The following OXR1 variants were observed in gnomAD, a reference collection of about 807,000 sequenced individuals.
The protein encoded by OXR1 is oxidation resistance protein 1.
In OXR1, 41 loss-of-function variants were observed where a neutral mutation model predicts 104.6. The observed-to-expected ratio is 0.39, with a 90% CI of 0.31 to 0.51. The LOEUF is 0.51. Ranked by LOEUF, OXR1 falls within the 20% of genes least tolerant of loss-of-function variation. The pLI, the probability that OXR1 is intolerant of heterozygous loss-of-function variation, is 0.77. For synonymous variants in OXR1, 348 were observed against 348.4 expected (o/e 1.00, Z 0.01); for missense variants, 955 against 1,031.9 (o/e 0.93, Z 1.02).
chr8:106,728,196 GGCTCT>G (rs1163798120), intron 11 of OXR1, among the ~76,000 whole-genome samples: 2 of 146,128 alleles, frequency 1.4e-5, no homozygotes, highest in African/African-American at 5.1e-5. Context: ...CCTGACAAGG[GGCTCT>G]TATGCTTCTA....
chr8:106,440,832 ATGTTAACC>A (rs1194664459), intron 2 of OXR1, among the ~76,000 whole-genome samples: 2 of 152,138 alleles, frequency 1.3e-5, no homozygotes, highest in Non-Finnish European at 2.9e-5. Context: ...CCAGTATAGC[ATGTTAACC>A]TAGATGATAG....
At chr8:106,729,179 ATTACT>A (rs1833629718) in intron 11 of OXR1, among the ~76,000 whole-genome samples, 1 of 152,128 alleles carries the variant, frequency 6.6e-6, no homozygotes, top group African/African-American at 2.4e-5. Flanking sequence ...CCTGTGGAAT[ATTACT>A]TTATCATCTC....
chr8:106,491,150 A>C (rs1430035689), intron 2 of OXR1, among the ~76,000 whole-genome samples: 1 of 152,154 alleles, frequency 6.6e-6, no homozygotes, highest in Non-Finnish European at 1.5e-5. Context: ...ATAGTCACAG[A>C]CTTTCTCTTG....
intron 9 of OXR1, among the ~76,000 whole-genome samples, chr8:106,708,377 C>T (rs1370877422): frequency 6.6e-6 from 1 of 152,074 alleles, no homozygotes; most frequent in Non-Finnish European, 1.5e-5. Flanking sequence ...CCAGCCTGAG[C>T]AACAGAGCAA....
At chr8:106,605,921 C>CAACAAAATGTGGATGATAAT (rs1563638061) in intron 3 of OXR1, among the ~76,000 whole-genome samples, 7 of 148,162 alleles carry the variant, frequency 4.7e-5, no homozygotes, top group African/African-American at 1.5e-4. Context: ...TTTTTATTTT[C>CAACAAAATGTGGATGATAAT]AATAAAATGT....
intron 2 of OXR1, among the ~76,000 whole-genome samples, chr8:106,478,897 A>T (rs1053637045): frequency 1.3e-5 from 2 of 151,906 alleles, no homozygotes; most frequent in African/African-American, 4.8e-5. Flanking sequence ...TTGTGTGTGT[A>T]TACTTTGTTA....
chr8:106,378,575 T>C (rs1203577140), intron 2 of OXR1, among the ~76,000 whole-genome samples: 4 of 152,212 alleles, frequency 2.6e-5, no homozygotes, highest in Admixed American at 6.5e-5. Context: ...GATGGCACGA[T>C]CTCGGCTCAC....
intron 3 of OXR1, among the ~76,000 whole-genome samples, chr8:106,582,921 A>G (rs577479700): frequency 6.6e-6 from 1 of 152,310 alleles, no homozygotes; most frequent in East Asian, 1.9e-4. Context: ...CCCTCCCCAC[A>G]GTGTTCAGCC....
At chr8:106,552,548 A>G (rs1247240527) in intron 3 of OXR1, among the ~76,000 whole-genome samples, 1 of 152,084 alleles carries the variant, frequency 6.6e-6, no homozygotes, top group Non-Finnish European at 1.5e-5. Context: ...GAGACATTAA[A>G]CCTTAAGGCC....
chr8:106,584,610 T>C (rs1818493610), intron 3 of OXR1, among the ~76,000 whole-genome samples: 1 of 152,156 alleles, frequency 6.6e-6, no homozygotes, highest in Non-Finnish European at 1.5e-5. Flanking sequence ...ATTTGAATGG[T>C]AAATGGTAAA....
At chr8:106,725,950 CTT>C (rs917600855) in intron 11 of OXR1, 5 of 306,330 alleles carry the variant, frequency 1.6e-5, no homozygotes, top group African/African-American at 1.1e-4. Flanking sequence ...GGCTCTGTGT[CTT>C]TAAACTTTTG....
At chr8:106,527,304 C>T (rs548174223) in intron 3 of OXR1, among the ~76,000 whole-genome samples, 6 of 152,296 alleles carry the variant, frequency 3.9e-5, no homozygotes, top group Admixed American at 6.5e-5. Context: ...TACCTGCTCT[C>T]ATGGAGCTTA....
intron 2 of OXR1, among the ~76,000 whole-genome samples, chr8:106,408,703 G>A (rs10429291): frequency 0.024 from 3,713 of 152,244 alleles, 148 homozygotes; most frequent in African/African-American, 0.083. Flanking sequence ...GCACGTGGGT[G>A]TAATCGTGAC....
At chr8:106,658,520 G>A (rs1825406954) in intron 3 of OXR1, among the ~76,000 whole-genome samples, 1 of 152,214 alleles carries the variant, frequency 6.6e-6, no homozygotes, top group Non-Finnish European at 1.5e-5. Flanking sequence ...GACTGAACCA[G>A]TTATGACGTC....
At chr8:106,738,351 G>A (rs2131561130) in intron 12 of OXR1, among the ~76,000 whole-genome samples, 1 of 151,942 alleles carries the variant, frequency 6.6e-6, no homozygotes, top group East Asian at 1.9e-4. Flanking sequence ...CAAAATAAGG[G>A]TGAAACATGA....
Position 106,692,904 on chromosome 8 carries a change from C to T in OXR1, c.675+27C>T, listed in dbSNP as rs766894607. ...TAAAGAATGACACTTTAGAGAAGAC[C>T]TTTAATCATGCTTTAGTTATTACTA... On this transcript the variant is annotated intron_variant, in intron 7 of 16. Transcript: ENST00000517566. 9.3e-6 allele frequency: 14 copies of T among 1,510,248 alleles called. 1 individual carries two copies. The South Asian group carries it at 1.6e-4, about 17-fold the overall frequency. The allele number at this position is 1,510,248 out of a possible 1,614,324, so 93.6% of individuals were successfully genotyped here.
At chr8:106,360,151 T>C (rs1423774367) in intron 2 of OXR1, among the ~76,000 whole-genome samples, 4 of 152,200 alleles carry the variant, frequency 2.6e-5, no homozygotes, top group Non-Finnish European at 5.9e-5. Context: ...AAATAATCTT[T>C]GACTTTCAGT....
In OXR1 at chr8:106,340,223, A is replaced by G. The variant is rs1028383548; in HGVS notation, c.-138-19253A>G. ...TTGGAACAGTTGTGAGGGAAAAGAA[A>G]AAAAAAAAAAAACCTTCTGACTTGA... On this transcript the variant is annotated intron_variant, in intron 1 of 16. Coordinates refer to ENST00000517566, the MANE Select transcript of OXR1 (RefSeq NM_001198533.2). 7.6e-3 allele frequency among the ~76,000 whole-genome samples: 597 copies of G among 79,064 alleles called. 4 individuals carry two copies. Among genetic ancestry groups the G allele is most frequent in the African/African-American group, 0.071 (552 of 7,766 alleles). The allele number at this position is 79,064 out of a possible 152,430, so 51.9% of individuals were successfully genotyped here.
chr8:106,304,489 A>G (rs1020672889), intron 1 of OXR1, among the ~76,000 whole-genome samples: 9 of 152,214 alleles, frequency 5.9e-5, no homozygotes, highest in African/African-American at 2.2e-4. Context: ...TACTAGAAAT[A>G]TAATGTGAGC....
Sources: gnomAD v4.1 joint callset for allele counts (sites outside exome capture counted in the v4.1 genomes callset) on GRCh38, gnomAD v4.1.1 for gene constraint, MANE v1.5 for transcripts, NCBI Gene and HGNC (gene_info 2026-07-23, HGNC 2026-07-21) for gene names.